ATXN7: variants seen among roughly 807,000 people sequenced by gnomAD.
ATXN7 encodes ataxin 7, also known as ataxin-7.
In ATXN7, 12 loss-of-function variants were observed where a neutral mutation model predicts 70.5. The observed-to-expected ratio is 0.17, with a 90% CI of 0.11 to 0.28. The LOEUF (loss-of-function observed/expected upper bound fraction) is 0.28, where lower values mean the gene tolerates loss of function less well. Among genes scored for constraint, ATXN7 ranks in the 10% least tolerant of loss-of-function variants. ATXN7 has a pLI of 1.00. For synonymous variants in ATXN7, 498 were observed against 448.7 expected, an observed-to-expected ratio of 1.11 and a Z score of -1.39; for missense variants, 1,256 against 1,131.7, an observed-to-expected ratio of 1.11 and a Z score of -1.58.
At chr3:63,953,205 A>G (rs2074985382) in intron 5 of ATXN7, among the ~76,000 whole-genome samples, 4 of 152,190 alleles carry the variant, frequency 2.6e-5, no homozygotes, top group Admixed American at 2.6e-4. Flanking sequence ...CAAGCTTGCA[A>G]TAGAGTAACA....
chr3:63,938,871 G>C (rs985243753), intron 4 of ATXN7, among the ~76,000 whole-genome samples: 1 of 152,186 alleles, frequency 6.6e-6, no homozygotes, highest in Non-Finnish European at 1.5e-5. Flanking sequence ...GTTCACTTCA[G>C]TGTAAGCAAT....
Position 63,967,212 on chromosome 3 carries a change from G to C in ATXN7, c.500-12703G>C, listed in dbSNP as rs2075240107. On this transcript the variant is annotated intron_variant, in intron 5 of 12. Coordinates refer to ENST00000674280, the MANE Select transcript of ATXN7 (RefSeq NM_001377405.1). ...CTGTTTTCAAGGGGGCACTCAGTGA[G>C]AGAAATTCTTGGATTTAAAAGTATG... 2.6e-5 allele frequency among the ~76,000 whole-genome samples: 4 copies of C among 152,182 alleles called. No homozygotes were observed. The South Asian group carries it at 8.3e-4, about 32-fold the overall frequency.
intron 5 of ATXN7, among the ~76,000 whole-genome samples, chr3:63,963,172 T>A (rs1159488490): frequency 1.3e-5 from 2 of 152,156 alleles, no homozygotes; most frequent in African/African-American, 2.4e-5. Context: ...TGCCTCTGCC[T>A]CCTGAAGTGC....
At chr3:63,917,661 A>G (rs1312125983) in intron 4 of ATXN7, among the ~76,000 whole-genome samples, 1 of 152,174 alleles carries the variant, frequency 6.6e-6, no homozygotes, top group East Asian at 1.9e-4. Flanking sequence ...GAAACTCTGC[A>G]TTATGTGATG....
chr3:63,866,373 A>G (rs1363275428), intron 1 of ATXN7, among the ~76,000 whole-genome samples: 3 of 151,918 alleles, frequency 2.0e-5, no homozygotes, highest in Admixed American at 6.6e-5. Flanking sequence ...ATCTCAGCCT[A>G]CCAACTAGTT....
chr3:63,894,973 C>G (rs1181150240), intron 1 of ATXN7, among the ~76,000 whole-genome samples: 1 of 152,066 alleles, frequency 6.6e-6, no homozygotes, highest in Non-Finnish European at 1.5e-5. Context: ...TCCTCCTCCT[C>G]CCCCAACAAG....
Position 63,912,629 on chromosome 3 carries a change from G to C in ATXN7, c.31G>C (p.Gly11Arg). 9.4e-7 allele frequency: 1 copy of C among 1,059,812 alleles called. No individual in the cohort carries two copies. Among genetic ancestry groups the C allele is most frequent in the Non-Finnish European group, 1.2e-6 (1 of 869,432 alleles). 65.7% of individuals were successfully genotyped at this position (1,059,812 alleles called of 1,614,324 possible). ...GGAGCGGGCCGCGGATGACGTCAGG[G>C]GGGAGCCGCGCCGCGCGGCGGCGGC... MSERAADDVRGEPRRAAAAAG... is the reference protein window; with the variant it reads MSERAADDVRREPRRAAAAAG... Residue 11 changes from glycine to arginine, a missense_variant, in exon 3 of 13, where the codon GGG becomes CGG. Gly to Arg is a moderately radical substitution (Grantham distance 125). Transcript: ENST00000674280.
At chr3:63,895,579 A>T (rs992799673) in intron 1 of ATXN7, among the ~76,000 whole-genome samples, 1 of 152,140 alleles carries the variant, frequency 6.6e-6, no homozygotes, top group Non-Finnish European at 1.5e-5. Flanking sequence ...CTTACCCTAG[A>T]TGCCAGGGGA....
At chr3:63,990,561 C>G in intron 10 of ATXN7, 177 bp from the exon 11 acceptor site, 1 of 1,230,316 alleles carries the variant, frequency 8.1e-7, no homozygotes, top group Admixed American at 2.1e-5. Flanking sequence ...GTGCTTTTTT[C>G]CCTTTCTCTT....
At position 63,995,621 on chromosome 3, in the gene ATXN7, C is replaced by T; in HGVS notation, c.1799C>T (p.Ser600Phe). ...AGCTATCTGGCAGCAGCCACCGTCTCTACATCCCCAGTCCTGCTCTCATCT... is the reference window on the plus strand; with the variant it reads ...AGCTATCTGGCAGCAGCCACCGTCTTTACATCCCCAGTCCTGCTCTCATCT... ...GVSYLAAATV[S>F]TSPVLLSSTC... Residue 600 changes from serine to phenylalanine, a missense_variant, in exon 12 of 13, where the codon TCT (serine) becomes TTT (phenylalanine). Coordinates refer to ENST00000674280, the MANE Select transcript of ATXN7 (RefSeq NM_001377405.1). The T allele has an allele frequency of 6.2e-7, 1 of 1,614,208 alleles. No homozygotes were observed. The highest frequency in any genetic ancestry group is 8.5e-7 in the Non-Finnish European group (1 of 1,180,036).
chr3:63,953,322 T>C (rs999971481), intron 5 of ATXN7, among the ~76,000 whole-genome samples: 2 of 152,066 alleles, frequency 1.3e-5, no homozygotes, highest in African/African-American at 4.8e-5. Context: ...CAATCTAGAA[T>C]AAGAGCGTTT....
intron 4 of ATXN7, among the ~76,000 whole-genome samples, chr3:63,950,310 A>G (rs1193355351): frequency 1.3e-5 from 2 of 152,210 alleles, no homozygotes; most frequent in African/African-American, 4.8e-5. Context: ...TCCACAGAAG[A>G]ATCTGGTATC....
At position 63,999,556 on chromosome 3, in the gene ATXN7, T is replaced by C. The variant is rs751461369; in HGVS notation, c.*89T>C. On this transcript the variant is annotated 3_prime_UTR_variant, in exon 13 of 13. Coordinates refer to ENST00000674280, the MANE Select transcript of ATXN7 (RefSeq NM_001377405.1). ...CAGCACTCTGGACTCCACGATGCCT[T>C]TGAGTCTGTTTTCCCAACCTCCTGT... is the stretch of plus-strand genomic sequence containing the variant. 2.5e-6 allele frequency: 4 copies of C among 1,584,108 alleles called. No individual in the cohort carries two copies. The highest frequency in any genetic ancestry group is 3.4e-6 in the Non-Finnish European group (4 of 1,163,144).
intron 1 of ATXN7, among the ~76,000 whole-genome samples, chr3:63,882,991 G>A (rs1465683341): frequency 2.6e-5 from 4 of 152,164 alleles, no homozygotes; most frequent in African/African-American, 9.6e-5. Flanking sequence ...CTATTTTACA[G>A]ATAAAGGTTG....
intron 2 of ATXN7, chr3:63,903,628 C>T (rs1703732171): frequency 6.6e-6 from 1 of 152,136 alleles, no homozygotes; most frequent in Non-Finnish European, 1.5e-5. Flanking sequence ...ATGTGCCAGG[C>T]ACTATTCTGA....
intron 1 of ATXN7, among the ~76,000 whole-genome samples, chr3:63,881,898 T>C (rs1702923562): frequency 6.6e-6 from 1 of 152,194 alleles, no homozygotes; most frequent in African/African-American, 2.4e-5. Context: ...TACTTTCTGC[T>C]AAACACTGTG....
intron 4 of ATXN7, among the ~76,000 whole-genome samples, chr3:63,935,813 T>A (rs1041929463): frequency 6.6e-6 from 1 of 152,190 alleles, no homozygotes; most frequent in Non-Finnish European, 1.5e-5. Flanking sequence ...GAGTGGTTAT[T>A]TGATCATTTT....
At chr3:63,896,985 G>T (rs1223446887) in intron 1 of ATXN7, among the ~76,000 whole-genome samples, 1 of 152,192 alleles carries the variant, frequency 6.6e-6, no homozygotes, top group East Asian at 1.9e-4. Flanking sequence ...TGCTGGTGTT[G>T]TTCTGCCTTC....
rs1183539320 is a variant in ATXN7 at position 63,912,995 on chromosome 3, C to T, written c.325+72C>T. 84 of 1,360,622 alleles carry T rather than the reference C, an allele frequency of 6.2e-5. No individual in the cohort carries two copies. The South Asian group carries it at 7.0e-4, about 11-fold the overall frequency. 84.3% of individuals were successfully genotyped at this position (1,360,622 alleles called of 1,614,324 possible). A position where few individuals can be genotyped will look rare whatever the true frequency, so the allele number is the denominator to read the frequency against. Reference sequence around the variant, plus strand: ...TCCTCTCTCCTCCCCTCCCCCCTGCCCCCCTCCTGTGACCCGCCCCCTCGA... The same window carrying T: ...TCCTCTCTCCTCCCCTCCCCCCTGCTCCCCTCCTGTGACCCGCCCCCTCGA... On this transcript the variant is annotated intron_variant, in intron 3 of 12. Transcript: ENST00000674280.
Sources: allele counts gnomAD v4.1 joint callset (sites outside exome capture counted in the v4.1 genomes callset), GRCh38; gene constraint gnomAD v4.1.1; transcripts MANE v1.5; gene names NCBI Gene and HGNC (gene_info 2026-07-23, HGNC 2026-07-21).